The following GRIA2 variants were observed in gnomAD, a reference collection of about 807,000 sequenced individuals.
GRIA2 encodes the protein glutamate receptor 2.
Under a neutral mutation model 97.3 loss-of-function variants are expected in GRIA2, and 14 were observed. That is an observed-to-expected ratio of 0.14 (90% CI 0.10 to 0.23). GRIA2 has a LOEUF of 0.23. GRIA2 is among the 10% of genes least tolerant of loss of function. The probability of loss-of-function intolerance (pLI) is 1.00; values close to 1 mark genes in which losing one functional copy is unlikely to be tolerated. For synonymous variants in GRIA2, 412 were observed against 387.8 expected (o/e 1.06, Z -0.73); for missense variants, 558 against 1,069.8 (o/e 0.52, Z 6.67).
intron 2 of GRIA2, among the ~76,000 whole-genome samples, chr4:157,250,169 A>G (rs1203165687): frequency 6.6e-6 from 1 of 152,140 alleles, no homozygotes; most frequent in Non-Finnish European, 1.5e-5. Context: ...TGAAGATACA[A>G]GTATAACTGC....
chr4:157,359,110 T>A (rs575799448), intron 12 of GRIA2, among the ~76,000 whole-genome samples: 77 of 152,282 alleles, frequency 5.1e-4, no homozygotes, highest in African/African-American at 1.8e-3. Context: ...TTCTTTTGAG[T>A]CTGAATAGGA....
At chr4:157,321,211 C>T (rs1734550498) in intron 5 of GRIA2, among the ~76,000 whole-genome samples, 1 of 152,040 alleles carries the variant, frequency 6.6e-6, no homozygotes, top group African/African-American at 2.4e-5. Context: ...TGAGATGATC[C>T]ATCAGTAAAC....
chr4:157,226,289 G>A (rs1299861741), intron 2 of GRIA2, among the ~76,000 whole-genome samples: 2 of 151,918 alleles, frequency 1.3e-5, no homozygotes, highest in Admixed American at 6.6e-5. Context: ...TGCGCACACC[G>A]AATGCCTTTT....
intron 2 of GRIA2, among the ~76,000 whole-genome samples, chr4:157,230,463 G>A (rs1729951299): frequency 6.6e-6 from 1 of 151,976 alleles, no homozygotes. Context: ...TACTTGGCAG[G>A]GCTGTAAGAA....
At chr4:157,327,755 A>G (rs1167949708) in intron 6 of GRIA2, among the ~76,000 whole-genome samples, 1 of 152,126 alleles carries the variant, frequency 6.6e-6, no homozygotes, top group African/African-American at 2.4e-5. Flanking sequence ...GCTTTCCCAC[A>G]AGAATCTCAT....
At chr4:157,316,121 G>A (rs775404334) in intron 4 of GRIA2, among the ~76,000 whole-genome samples, 115 of 152,102 alleles carry the variant, frequency 7.6e-4, no homozygotes, top group Non-Finnish European at 1.6e-3. Flanking sequence ...TTTCTCAGCA[G>A]GAAGACATGG....
At chr4:157,273,156 A>T (rs1465879040) in intron 2 of GRIA2, among the ~76,000 whole-genome samples, 1 of 152,086 alleles carries the variant, frequency 6.6e-6, no homozygotes, top group Non-Finnish European at 1.5e-5. Context: ...CCTAGAGATT[A>T]TTTAAAGTAT....
intron 6 of GRIA2, among the ~76,000 whole-genome samples, chr4:157,322,533 G>A (rs761196832): frequency 6.6e-5 from 10 of 152,090 alleles, no homozygotes; most frequent in Non-Finnish European, 1.5e-4. Flanking sequence ...ATACACATGC[G>A]TGCATGAATT....
At chr4:157,283,497 G>T (rs188993733) in intron 2 of GRIA2, among the ~76,000 whole-genome samples, 19 of 151,972 alleles carry the variant, frequency 1.3e-4, no homozygotes, top group African/African-American at 4.1e-4. Context: ...TGCTTACTTA[G>T]CTTAATTAAA....
intron 2 of GRIA2, among the ~76,000 whole-genome samples, chr4:157,291,998 G>T (rs1419821669): frequency 1.3e-5 from 2 of 152,086 alleles, no homozygotes; most frequent in Non-Finnish European, 1.5e-5. Context: ...TGTTTGAAAG[G>T]TATGAATAAA....
At chr4:157,283,044 G>A (rs997885812) in intron 2 of GRIA2, among the ~76,000 whole-genome samples, 53 of 151,988 alleles carry the variant, frequency 3.5e-4, no homozygotes, top group African/African-American at 1.3e-3. Context: ...TGAGGTTTTA[G>A]ACTATTGAAA....
chr4:157,327,142 G>A (rs1378321684), intron 6 of GRIA2, among the ~76,000 whole-genome samples: 1 of 152,034 alleles, frequency 6.6e-6, no homozygotes, highest in African/African-American at 2.4e-5. Context: ...GATATTTGTG[G>A]GTTAGAAATA....
chr4:157,356,853 A>T (rs546092423), intron 12 of GRIA2, among the ~76,000 whole-genome samples: 2 of 152,174 alleles, frequency 1.3e-5, no homozygotes, highest in Non-Finnish European at 2.9e-5. Context: ...GACCACAAAT[A>T]TATGAATTAG....
rs35080512 is a variant in GRIA2, at chr4:157,322,242, AGTGTGTGTGTGTGTGTGT to A, written c.882+666_882+683del. On this transcript the variant is annotated intron_variant, in intron 6 of 15. Coordinates refer to ENST00000264426, the MANE Select transcript of GRIA2 (RefSeq NM_001083619.3). ...GAGAGAGTGAGAAAGAGAGAGAGAG[AGTGTGTGTGTGTGTGTGT>A]GTGTGTGTGTGTGTGTGTGTGTATA... Among the ~76,000 whole-genome samples the A allele has an allele frequency of 5.6e-3, 762 of 137,240 alleles. 3 individuals carry two copies. Among genetic ancestry groups the A allele is most frequent in the Non-Finnish European group, 9.8e-3 (607 of 62,188 alleles). The allele number at this position is 137,240 out of a possible 152,430, so 90.0% of individuals were successfully genotyped here.
rs1306331155 is a variant in GRIA2 at position 157,336,691 on chromosome 4, T to C, written c.1788T>C (p.Asn596=). The C allele has an allele frequency of 6.2e-7, 1 of 1,613,010 alleles. No homozygotes were observed. The change falls in exon 11 of 16, where the codon AAT becomes AAC. Residue 596 remains asparagine, a synonymous_variant. Transcript: ENST00000264426. ...SESTNEFGIF[N]SLWFSLGAFM... is the part of the protein sequence containing the mutation. ...CAACTAATGAATTTGGGATTTTTAA[T>C]AGTCTCTGGTTTTCCTTGGGTGCCT...
chr4:157,305,565 G>A (rs1174131512), intron 3 of GRIA2, among the ~76,000 whole-genome samples: 2 of 152,004 alleles, frequency 1.3e-5, no homozygotes, highest in Non-Finnish European at 2.9e-5. Flanking sequence ...ATTGCATTCT[G>A]CTGTCTTGCT....
At chr4:157,299,349 G>A (rs1253305770) in intron 2 of GRIA2, among the ~76,000 whole-genome samples, 1 of 152,104 alleles carries the variant, frequency 6.6e-6, no homozygotes, top group Non-Finnish European at 1.5e-5. Context: ...ATATTTTGAT[G>A]TCAGAATTCC....
intron 12 of GRIA2, among the ~76,000 whole-genome samples, chr4:157,355,856 T>A (rs1410891539): frequency 9.9e-6 from 1 of 100,714 alleles, no homozygotes; most frequent in Non-Finnish European, 1.7e-5. Flanking sequence ...TATTTATATA[T>A]ATGTATATAT....
intron 5 of GRIA2, among the ~76,000 whole-genome samples, chr4:157,320,464 C>A (rs916005061): frequency 6.6e-6 from 1 of 151,908 alleles, no homozygotes; most frequent in Non-Finnish European, 1.5e-5. Context: ...TGGAACATAC[C>A]TACGGTAAAA....
Sources: allele counts gnomAD v4.1 joint callset (sites outside exome capture counted in the v4.1 genomes callset), GRCh38; gene constraint gnomAD v4.1.1; transcripts MANE v1.5; gene names NCBI Gene and HGNC (gene_info 2026-07-23, HGNC 2026-07-21).